TTC28: variants seen among roughly 807,000 people sequenced by gnomAD.
TTC28 encodes the protein tetratricopeptide repeat domain 28, also known as tetratricopeptide repeat protein 28.
A neutral mutation model predicts 198.0 loss-of-function variants in TTC28; 61 were observed. That is an observed-to-expected ratio of 0.31 (90% CI 0.25 to 0.38). TTC28 has a LOEUF of 0.38. Among genes scored for constraint, TTC28 ranks in the 10% least tolerant of loss-of-function variants. The pLI, the probability that TTC28 is intolerant of heterozygous loss-of-function variation, is 1.00. For missense variants in TTC28, 2,678 were observed against 3,164.0 expected (o/e 0.85, Z 3.69); for synonymous variants, 1,171 against 1,297.8 (o/e 0.90, Z 2.10).
At chr22:28,071,747 G>A (rs28687988) in intron 12 of TTC28, among the ~76,000 whole-genome samples, 6,555 of 112,012 alleles carry the variant, frequency 0.059, 75 homozygotes, top group Non-Finnish European at 0.069. Context: ...AAAAAAAAAA[G>A]GAAAAAAAAA....
chr22:28,466,856 C>CA (rs1568962202), intron 2 of TTC28, among the ~76,000 whole-genome samples: 6 of 148,594 alleles, frequency 4.0e-5, no homozygotes, highest in South Asian at 2.2e-4. Context: ...CACACACACA[C>CA]CCCTATGCCA....
intron 14 of TTC28, among the ~76,000 whole-genome samples, chr22:28,009,999 C>T (rs1481964998): frequency 1.3e-5 from 2 of 152,182 alleles, no homozygotes; most frequent in African/African-American, 4.8e-5. Context: ...AAACTCCTTC[C>T]CCTGTGTTCA....
intron 2 of TTC28, among the ~76,000 whole-genome samples, chr22:28,556,041 T>A (rs530285099): frequency 2.5e-3 from 384 of 151,968 alleles, no homozygotes; most frequent in Non-Finnish European, 3.5e-3. Flanking sequence ...AAAACTCAGT[T>A]TTGGTTTATT....
rs575047399 is a variant in TTC28, at chr22:28,552,762, C to T, written c.381+76790G>A. Among the ~76,000 whole-genome samples the T allele has an allele frequency of 2.7e-3, 348 of 130,292 alleles. 2 individuals carry two copies. Among genetic ancestry groups the T allele is most frequent in the African/African-American group, 8.3e-3 (329 of 39,510 alleles). The allele number at this position is 130,292 out of a possible 152,430, so 85.5% of individuals were successfully genotyped here. On this transcript the variant is annotated intron_variant, in intron 2 of 22. Transcript: ENST00000397906. ...ATCAAAGCCTCTCCCTCTCCCTCTC[C>T]GCCTCCCCCTCCCCCTCCCCCTCTC... is the stretch of plus-strand genomic sequence containing the variant.
chr22:27,985,542 C>CCACCCA, intron 21 of TTC28, 186 bp from the exon 22 acceptor site: 1 of 493,054 alleles, frequency 2.0e-6, no homozygotes, highest in Non-Finnish European at 3.7e-6. Flanking sequence ...TCGGGCTGCC[C>CCACCCA]CACCCAGAAC....
rs576401049 is a variant in TTC28 at position 28,144,246 on chromosome 22, C to G, written c.1441+18846G>C. Among the ~76,000 whole-genome samples, 9 of 152,338 alleles carry G rather than the reference C, an allele frequency of 5.9e-5. No individual in the cohort carries two copies. In the East Asian group the frequency reaches 1.5e-3, roughly 26 times the overall value. Reference sequence around the variant, plus strand: ...GCCACACAGCTCATAAATGGCAGAGCTACAATTCAAACCAGGGCCTGTCTA... The same window carrying G: ...GCCACACAGCTCATAAATGGCAGAGGTACAATTCAAACCAGGGCCTGTCTA... On this transcript the variant is annotated intron_variant, in intron 6 of 22. Coordinates refer to ENST00000397906, the MANE Select transcript of TTC28 (RefSeq NM_001145418.2).
intron 2 of TTC28, among the ~76,000 whole-genome samples, chr22:28,543,799 C>G (rs919143793): frequency 3.3e-5 from 5 of 152,118 alleles, no homozygotes; most frequent in African/African-American, 4.8e-5. Flanking sequence ...CATAAGAAAA[C>G]TACAAACCAG....
chr22:28,342,432 A>G (rs75459325), intron 2 of TTC28, among the ~76,000 whole-genome samples: 2,417 of 152,312 alleles, frequency 0.016, 86 homozygotes, highest in African/African-American at 0.056. Flanking sequence ...ACCATTGCCC[A>G]GAGACCATCA....
At chr22:28,274,559 A>T (rs1932287967) in intron 5 of TTC28, among the ~76,000 whole-genome samples, 1 of 152,232 alleles carries the variant, frequency 6.6e-6, no homozygotes, top group Non-Finnish European at 1.5e-5. Flanking sequence ...CCTATTTAAG[A>T]CATTTCTGTG....
At chr22:28,621,357 T>C (rs1231488868) in intron 2 of TTC28, among the ~76,000 whole-genome samples, 1 of 152,120 alleles carries the variant, frequency 6.6e-6, no homozygotes. Flanking sequence ...ACCTGAACTA[T>C]AATACTGGCT....
chr22:28,096,862 T>C (rs1269748800), intron 10 of TTC28, among the ~76,000 whole-genome samples: 1 of 151,876 alleles, frequency 6.6e-6, no homozygotes, highest in Non-Finnish European at 1.5e-5. Context: ...TGGAATATAG[T>C]GGCATGATCT....
At chr22:28,453,848 T>A (rs1194578539) in intron 2 of TTC28, among the ~76,000 whole-genome samples, 2 of 152,236 alleles carry the variant, frequency 1.3e-5, no homozygotes, top group Non-Finnish European at 2.9e-5. Flanking sequence ...TTCCCCCTGC[T>A]TAAGACCCGC....
chr22:28,491,385 T>C (rs1338497650), intron 2 of TTC28, among the ~76,000 whole-genome samples: 1 of 152,028 alleles, frequency 6.6e-6, no homozygotes, highest in Non-Finnish European at 1.5e-5. Context: ...ATATCCAGAA[T>C]CTACAATAAA....
chr22:28,299,249 A>T (rs1444182010), intron 3 of TTC28, among the ~76,000 whole-genome samples: 1 of 152,088 alleles, frequency 6.6e-6, no homozygotes, highest in Non-Finnish European at 1.5e-5. Context: ...ATGTAAAAAA[A>T]AAAAACTATA....
Position 28,629,838 on chromosome 22 carries a change from C to T in TTC28, c.103-8G>A. On this transcript the variant is annotated splice_region_variant and splice_polypyrimidine_tract_variant and intron_variant, in intron 1 of 22. Coordinates refer to ENST00000397906, the MANE Select transcript of TTC28 (RefSeq NM_001145418.2). Reference sequence around the variant, plus strand: ...AGCACCAAAGAGAGGAATCTACAAACAAAGAAACTTTATCAGAAAAAGTTC... The same window carrying T: ...AGCACCAAAGAGAGGAATCTACAAATAAAGAAACTTTATCAGAAAAAGTTC... 1 of 1,539,918 alleles carries T rather than the reference C, an allele frequency of 6.5e-7. No individual in the cohort carries two copies. The highest frequency in any genetic ancestry group is 2.1e-5 in the Admixed American group (1 of 48,252).
intron 5 of TTC28, among the ~76,000 whole-genome samples, chr22:28,192,104 G>C (rs376412484): frequency 6.6e-6 from 1 of 152,158 alleles, no homozygotes; most frequent in Non-Finnish European, 1.5e-5. Context: ...CCAGAGGAAC[G>C]ATCAGGCAGC....
chr22:28,493,663 T>G (rs1423480455), intron 2 of TTC28, among the ~76,000 whole-genome samples: 2 of 152,172 alleles, frequency 1.3e-5, no homozygotes, highest in East Asian at 3.9e-4. Flanking sequence ...AACAAGTTAT[T>G]AGTGTCTCAT....
chr22:28,060,912 C>A (rs1316391341), intron 12 of TTC28, among the ~76,000 whole-genome samples: 1 of 152,194 alleles, frequency 6.6e-6, no homozygotes, highest in Non-Finnish European at 1.5e-5. Context: ...GACTGCCATT[C>A]TAACTGGTGT....
chr22:28,013,994 G>C (rs1938256787), intron 14 of TTC28, among the ~76,000 whole-genome samples: 1 of 152,200 alleles, frequency 6.6e-6, no homozygotes, highest in Admixed American at 6.5e-5. Flanking sequence ...GTAGGGAGCA[G>C]AGCTAGGGCT....
Sources: allele counts gnomAD v4.1 joint callset (sites outside exome capture counted in the v4.1 genomes callset), GRCh38; gene constraint gnomAD v4.1.1; transcripts MANE v1.5; gene names NCBI Gene and HGNC (gene_info 2026-07-23, HGNC 2026-07-21).